Variants in TMEM132B observed in about 807,000 individuals in gnomAD.
TMEM132B encodes transmembrane protein 132B.
TMEM132B carries 18 observed loss-of-function variants against 90.8 expected under a neutral mutation model. The observed-to-expected ratio is 0.20, with a 90% CI of 0.14 to 0.29. TMEM132B has a LOEUF of 0.29. TMEM132B is among the 10% of genes least tolerant of loss of function. The probability of loss-of-function intolerance (pLI) is 1.00; values close to 1 mark genes in which losing one functional copy is unlikely to be tolerated. For missense variants in TMEM132B, 1,096 were observed against 1,326.8 expected (o/e 0.83, Z 2.70); for synonymous variants, 504 against 523.3 (o/e 0.96, Z 0.50).
At chr12:125,284,467 G>A (rs925970705) in intron 1 of TMEM132B, among the ~76,000 whole-genome samples, 5 of 152,286 alleles carry the variant, frequency 3.3e-5, no homozygotes, top group African/African-American at 7.2e-5. Context: ...GGGTTAGACC[G>A]CAAAGATCTC....
At chr12:125,401,959 G>T (rs899174826) in intron 2 of TMEM132B, among the ~76,000 whole-genome samples, 12 of 152,084 alleles carry the variant, frequency 7.9e-5, no homozygotes, top group African/African-American at 2.9e-4. Flanking sequence ...TTGATAATTT[G>T]TCATTTTTCT....
chr12:125,550,811 T>C (rs1230493065), intron 4 of TMEM132B, among the ~76,000 whole-genome samples: 1 of 152,190 alleles, frequency 6.6e-6, no homozygotes, highest in Non-Finnish European at 1.5e-5. Context: ...GGAGTTTCAC[T>C]CTTGTTGCCC....
chr12:125,286,077 C>T (rs1875346841), intron 1 of TMEM132B, among the ~76,000 whole-genome samples: 1 of 152,210 alleles, frequency 6.6e-6, no homozygotes, highest in Non-Finnish European at 1.5e-5. Context: ...CGAGGTCACC[C>T]TAGCGCCAGG....
intron 2 of TMEM132B, among the ~76,000 whole-genome samples, chr12:125,354,652 G>T (rs55833733): frequency 0.18 from 26,859 of 152,210 alleles, 2,843 homozygotes; most frequent in South Asian, 0.25. Flanking sequence ...CGTGTTTGTG[G>T]GAGTCAGAAG....
intron 1 of TMEM132B, among the ~76,000 whole-genome samples, chr12:125,324,924 A>T (rs1158955625): frequency 6.6e-6 from 1 of 152,190 alleles, no homozygotes; most frequent in Non-Finnish European, 1.5e-5. Flanking sequence ...GGGGGAAAAC[A>T]GTCCAACTTC....
intron 2 of TMEM132B, among the ~76,000 whole-genome samples, chr12:125,363,933 A>G (rs1249221993): frequency 1.3e-5 from 2 of 152,242 alleles, no homozygotes; most frequent in Admixed American, 6.5e-5. Context: ...TGAATGCTCT[A>G]CAGATATGAA....
intron 1 of TMEM132B, among the ~76,000 whole-genome samples, chr12:125,289,279 C>G (rs1875465454): frequency 6.6e-6 from 1 of 152,208 alleles, no homozygotes; most frequent in Non-Finnish European, 1.5e-5. Context: ...GAAGGTTCTT[C>G]TCTTCTTCCT....
chr12:125,203,922 A>G (rs1051269450), intron 1 of TMEM132B, among the ~76,000 whole-genome samples: 4 of 152,214 alleles, frequency 2.6e-5, no homozygotes, highest in Admixed American at 6.5e-5. Context: ...ATAAAGAACT[A>G]TCAACTCCTG....
intron 3 of TMEM132B, among the ~76,000 whole-genome samples, chr12:125,434,131 C>T (rs1450225901): frequency 3.3e-5 from 5 of 152,154 alleles, no homozygotes; most frequent in Admixed American, 6.5e-5. Flanking sequence ...TCTGTGTTTT[C>T]ACCTTTTCCC....
intron 2 of TMEM132B, among the ~76,000 whole-genome samples, chr12:125,394,391 C>T (rs930711737): frequency 6.6e-6 from 1 of 152,158 alleles, no homozygotes; most frequent in African/African-American, 2.4e-5. Context: ...AGCAGACCAC[C>T]TGGTTGCTGC....
At chr12:125,364,071 A>G (rs1034701623) in intron 2 of TMEM132B, among the ~76,000 whole-genome samples, 1 of 152,194 alleles carries the variant, frequency 6.6e-6, no homozygotes, top group African/African-American at 2.4e-5. Flanking sequence ...TCATAATTCT[A>G]TTTGTTGTAT....
At chr12:125,579,578 G>T (rs1260010250) in intron 4 of TMEM132B, among the ~76,000 whole-genome samples, 3 of 152,038 alleles carry the variant, frequency 2.0e-5, no homozygotes, top group Middle Eastern at 3.4e-3. Context: ...TGGCCAGGCT[G>T]GTCTCAAACT....
chr12:125,470,933 C>T (rs1345195442), intron 3 of TMEM132B, among the ~76,000 whole-genome samples: 1 of 152,246 alleles, frequency 6.6e-6, no homozygotes, highest in Non-Finnish European at 1.5e-5. Context: ...GAGAAAGACC[C>T]CCTTGGCCGG....
intron 5 of TMEM132B, among the ~76,000 whole-genome samples, chr12:125,607,473 G>A (rs947879060): frequency 2.0e-5 from 3 of 152,298 alleles, no homozygotes; most frequent in Admixed American, 1.3e-4. Context: ...GCTGTGGTTG[G>A]TTGAGACACA....
At chr12:125,428,183 A>T (rs1339907633) in intron 3 of TMEM132B, among the ~76,000 whole-genome samples, 2 of 151,944 alleles carry the variant, frequency 1.3e-5, no homozygotes, top group Admixed American at 1.3e-4. Context: ...TTGTGGATAC[A>T]GGGTCTTGCT....
At chr12:125,220,864 T>A (rs1360949488) in intron 1 of TMEM132B, among the ~76,000 whole-genome samples, 1 of 152,224 alleles carries the variant, frequency 6.6e-6, no homozygotes, top group Non-Finnish European at 1.5e-5. Flanking sequence ...AGTCCTGAGC[T>A]TGGCCCACAA....
In TMEM132B at chr12:125,588,996, A is replaced by C. The variant is rs115350577; in HGVS notation, c.1437+5002A>C. ...TGCTTGACCTGTAATATATTAATAC[A>C]TATTACATCCATACCTATTCACCTG... On this transcript the variant is annotated intron_variant, in intron 5 of 8. Coordinates refer to ENST00000682704, the MANE Select transcript of TMEM132B (RefSeq NM_001366854.1). Among the ~76,000 whole-genome samples the C allele has an allele frequency of 3.9e-3, 591 of 152,356 alleles. 3 individuals are homozygous for C. The highest frequency in any genetic ancestry group is 0.014 in the African/African-American group (576 of 41,588).
chr12:125,495,581 G>A lies in TMEM132B; in HGVS notation c.1107-23858G>A, dbSNP rs149026181. ...CTTATTATTTCTCTTATTCACACAT[G>A]CACCTATGCAACAATTAACTTCATC... is the stretch of plus-strand genomic sequence containing the variant. On this transcript the variant is annotated intron_variant, in intron 3 of 8. Coordinates refer to ENST00000682704, the MANE Select transcript of TMEM132B (RefSeq NM_001366854.1). Among the ~76,000 whole-genome samples, 65 of 152,218 alleles carry A rather than the reference G, an allele frequency of 4.3e-4. 1 individual carries two copies. Among genetic ancestry groups the A allele is most frequent in the African/African-American group, 1.1e-3 (47 of 41,522 alleles).
intron 5 of TMEM132B, among the ~76,000 whole-genome samples, chr12:125,633,320 C>A (rs893266778): frequency 6.6e-6 from 1 of 152,104 alleles, no homozygotes; most frequent in Non-Finnish European, 1.5e-5. Context: ...ATTCTGAATT[C>A]CTTCTCTGTG....
Sources: allele counts gnomAD v4.1 joint callset (sites outside exome capture counted in the v4.1 genomes callset), GRCh38; gene constraint gnomAD v4.1.1; transcripts MANE v1.5; gene names NCBI Gene and HGNC (gene_info 2026-07-23, HGNC 2026-07-21).